WDR70: variants seen among roughly 807,000 people sequenced by gnomAD.
The protein encoded by WDR70 is WD repeat-containing protein 70.
In WDR70, 53 loss-of-function variants were observed where a neutral mutation model predicts 88.6. That is an observed-to-expected ratio of 0.60 (90% CI 0.48 to 0.75). The LOEUF is 0.75. Ranked by LOEUF, WDR70 falls within the 30% of genes least tolerant of loss-of-function variation. The pLI is 0.00. For missense variants in WDR70, 610 were observed against 823.2 expected (o/e 0.74, Z 3.17); for synonymous variants, 280 against 270.0 (o/e 1.04, Z -0.36).
chr5:37,397,486 A>AG (rs1749054545), intron 5 of WDR70, among the ~76,000 whole-genome samples: 1 of 146,110 alleles, frequency 6.8e-6, no homozygotes, highest in African/African-American at 2.5e-5. Context: ...AAAAAAAAAA[A>AG]TCTATGTATG....
intron 10 of WDR70, among the ~76,000 whole-genome samples, chr5:37,637,765 C>T (rs547892420): frequency 6.6e-6 from 1 of 152,362 alleles, no homozygotes; most frequent in South Asian, 2.1e-4. Flanking sequence ...ACAGTTCTCA[C>T]TCCAAAAGCC....
chr5:37,632,759 T>C (rs749064899), intron 10 of WDR70, among the ~76,000 whole-genome samples: 6 of 152,324 alleles, frequency 3.9e-5, no homozygotes, highest in South Asian at 2.1e-4. Flanking sequence ...AAAAACACTT[T>C]TAATAATTTT....
intron 9 of WDR70, among the ~76,000 whole-genome samples, chr5:37,560,496 CCTT>C (rs1742468952): frequency 6.6e-6 from 1 of 152,090 alleles, no homozygotes; most frequent in East Asian, 1.9e-4. Flanking sequence ...TGACACTTTT[CCTT>C]CTTATTTTTC....
At chr5:37,588,635 A>G (rs1172866653) in intron 9 of WDR70, among the ~76,000 whole-genome samples, 1 of 151,980 alleles carries the variant, frequency 6.6e-6, no homozygotes, top group Admixed American at 6.6e-5. Flanking sequence ...GGAGTGCAGC[A>G]GTGCCATCAT....
In WDR70 at chr5:37,658,683, G is replaced by A. The variant is rs1430708847; in HGVS notation, c.1093-38972G>A. ...GAGGTCCCCTAAATAGGTGCCATCT[G>A]TTTAGCCCCAGCTTCAGAAGTGCTA... On this transcript the variant is annotated intron_variant, in intron 10 of 17. Transcript: ENST00000265107. Among the ~76,000 whole-genome samples, 6 of 152,172 alleles carry A rather than the reference G, an allele frequency of 3.9e-5. No individual in the cohort carries two copies. The East Asian group carries it at 1.2e-3, about 29-fold the overall frequency.
intron 10 of WDR70, among the ~76,000 whole-genome samples, chr5:37,621,994 C>T (rs1744518105): frequency 6.6e-6 from 1 of 152,074 alleles, no homozygotes; most frequent in Non-Finnish European, 1.5e-5. Context: ...GAATAGTTTC[C>T]CCATTTCTTG....
chr5:37,406,824 A>G lies in WDR70; in HGVS notation c.492+10254A>G, dbSNP rs190499993. On this transcript the variant is annotated intron_variant, in intron 5 of 17. Transcript: ENST00000265107. The stretch of plus-strand genomic sequence containing the variant: ...ATCATACCAACAGTCAGTGTTGTAC[A>G]TAATTAAGGAGCAACAGAGGTAACA... 2.6e-5 allele frequency among the ~76,000 whole-genome samples: 4 copies of G among 152,338 alleles called. No individual in the cohort carries two copies. The East Asian group carries it at 5.8e-4, about 22-fold the overall frequency.
chr5:37,680,231 A>C (rs1746386122), intron 10 of WDR70, among the ~76,000 whole-genome samples: 1 of 151,216 alleles, frequency 6.6e-6, no homozygotes, highest in Non-Finnish European at 1.5e-5. Flanking sequence ...TGTCCTTTGC[A>C]TACTTTTTAA....
At chr5:37,661,084 C>T (rs1745690229) in intron 10 of WDR70, among the ~76,000 whole-genome samples, 1 of 152,182 alleles carries the variant, frequency 6.6e-6, no homozygotes, top group Non-Finnish European at 1.5e-5. Flanking sequence ...AGTCCTGTAG[C>T]CAATCCCCAC....
At chr5:37,524,570 C>G (rs1217214697) in intron 9 of WDR70, among the ~76,000 whole-genome samples, 3 of 152,144 alleles carry the variant, frequency 2.0e-5, no homozygotes, top group Admixed American at 2.0e-4. Context: ...GAAACTGCAT[C>G]AACTAACGAG....
intron 5 of WDR70, among the ~76,000 whole-genome samples, chr5:37,434,095 G>T (rs886854595): frequency 6.6e-5 from 10 of 152,180 alleles, no homozygotes; most frequent in Non-Finnish European, 1.2e-4. Context: ...GAGGCCTCAG[G>T]ACACTTACAA....
intron 9 of WDR70, among the ~76,000 whole-genome samples, chr5:37,594,556 A>G (rs1410104959): frequency 1.3e-5 from 2 of 152,150 alleles, no homozygotes; most frequent in African/African-American, 2.4e-5. Flanking sequence ...GCCTTGTAGT[A>G]TAGTTTGAAG....
rs117250728 is a variant in WDR70 at position 37,655,581 on chromosome 5, C to T, written c.1093-42074C>T. 4.7e-4 allele frequency among the ~76,000 whole-genome samples: 72 copies of T among 152,178 alleles called. No individual in the cohort carries two copies. In the East Asian group the frequency reaches 9.7e-3, roughly 20 times the overall value. On this transcript the variant is annotated intron_variant, in intron 10 of 17. Coordinates refer to ENST00000265107, the MANE Select transcript of WDR70 (RefSeq NM_018034.4). Reference sequence around the variant, plus strand: ...ATCACTTTCAGGTACACCCGTCAAACGCAGATTTGGTTTTTTCATATAGTC... The same window carrying T: ...ATCACTTTCAGGTACACCCGTCAAATGCAGATTTGGTTTTTTCATATAGTC...
intron 13 of WDR70, among the ~76,000 whole-genome samples, chr5:37,708,860 C>G (rs1474392022): frequency 6.6e-6 from 1 of 152,154 alleles, no homozygotes; most frequent in Non-Finnish European, 1.5e-5. Context: ...TCACTTCAAA[C>G]AAATTAATGA....
chr5:37,721,842 T>C (rs1266747855), intron 14 of WDR70: 2 of 152,270 alleles, frequency 1.3e-5, no homozygotes. Flanking sequence ...AAAGATGGTT[T>C]TGTTTCTCTC....
chr5:37,406,526 C>A (rs779209298), intron 5 of WDR70, among the ~76,000 whole-genome samples: 3 of 152,078 alleles, frequency 2.0e-5, no homozygotes, highest in South Asian at 2.1e-4. Flanking sequence ...ATTATTTAAC[C>A]TCTCTGTGTC....
At position 37,426,661 on chromosome 5, in the gene WDR70, TCTTA is replaced by T. The variant is rs960319062; in HGVS notation, c.493-11257_493-11254del. Among the ~76,000 whole-genome samples, 4 of 152,290 alleles carry T rather than the reference TCTTA, an allele frequency of 2.6e-5. 1 individual carries two copies. The highest frequency in any genetic ancestry group is 3.9e-4 in the East Asian group (2 of 5,184). On this transcript the variant is annotated intron_variant, in intron 5 of 17. Transcript: ENST00000265107. ...GTCTTTCCAACAGTGTATCCAGACT[TCTTA>T]CTTGATGATTCTGCATGGAAGAAGA... is the stretch of plus-strand genomic sequence containing the variant.
At chr5:37,530,252 T>C (rs1350445343) in intron 9 of WDR70, among the ~76,000 whole-genome samples, 1 of 152,070 alleles carries the variant, frequency 6.6e-6, no homozygotes, top group African/African-American at 2.4e-5. Flanking sequence ...CTCAGGGATA[T>C]TGGTCTGCAG....
intron 10 of WDR70, among the ~76,000 whole-genome samples, chr5:37,680,960 T>C (rs192708632): frequency 2.4e-4 from 36 of 152,334 alleles, no homozygotes; most frequent in Admixed American, 4.6e-4. Flanking sequence ...AATAGTTTTT[T>C]CTACTTCTGA....
Sources: allele counts gnomAD v4.1 joint callset (sites outside exome capture counted in the v4.1 genomes callset), GRCh38; gene constraint gnomAD v4.1.1; transcripts MANE v1.5; gene names NCBI Gene and HGNC (gene_info 2026-07-23, HGNC 2026-07-21).